Variants in PLA2G4D observed in about 807,000 individuals in gnomAD.
PLA2G4D encodes cytosolic phospholipase A2 delta.
In PLA2G4D, 80 loss-of-function variants were observed where a neutral mutation model predicts 94.4. That is an observed-to-expected ratio of 0.85 (90% confidence interval 0.71 to 1.02). PLA2G4D has a LOEUF of 1.02. PLA2G4D is among the 50% of genes least tolerant of loss of function. PLA2G4D has a pLI of 0.00. For missense variants in PLA2G4D, 1,050 were observed against 1,034.7 expected (o/e 1.01, Z -0.20); for synonymous variants, 438 against 440.9 (o/e 0.99, Z 0.08).
In PLA2G4D at chr15:42,071,881, C is replaced by G; in HGVS notation, c.1466G>C (p.Gly489Ala). 1 of 1,614,164 alleles carries G rather than the reference C, an allele frequency of 6.2e-7. No individual in the cohort carries two copies. The highest frequency in any genetic ancestry group is 8.5e-7 in the Non-Finnish European group (1 of 1,180,008). The change falls in exon 15 of 20, where the codon GGT becomes GCT. Residue 489 changes from glycine (G) to alanine (A), a missense_variant. Physicochemically the swap from Gly to Ala is moderately conservative, Grantham distance 60. Coordinates refer to ENST00000290472, the MANE Select transcript of PLA2G4D (RefSeq NM_178034.4). ...EWVEFSPYEV[G>A]FLKYGAFVPP... ...GACGAAGGCCCCGTACTTCAGGAAACCGACCTCATAGGGGGAGAACTCAAC... is the reference window on the plus strand; with the variant it reads ...GACGAAGGCCCCGTACTTCAGGAAAGCGACCTCATAGGGGGAGAACTCAAC...
rs1049356993 is a variant in PLA2G4D at position 42,069,930 on chromosome 15, A to G, written c.2209T>C (p.Phe737Leu). 7.0e-7 allele frequency: 1 copy of G among 1,438,604 alleles called. No individual in the cohort carries two copies. The allele number at this position is 1,438,604 out of a possible 1,614,324, so 89.1% of individuals were successfully genotyped here. The change falls in exon 19 of 20, where the codon TTC becomes CTC. Residue 737 changes from phenylalanine (F) to leucine (L), a missense_variant. Transcript: ENST00000290472. ...TCACCGGGGGCTGAGTGGTCCTTGAAGGAGGCATTGACCAGCGGGAAGTGC... is the reference window on the plus strand; with the variant it reads ...TCACCGGGGGCTGAGTGGTCCTTGAGGGAGGCATTGACCAGCGGGAAGTGC... ...LLHFPLVNASFKDHSAPGVQR... is the reference protein window; with the variant it reads ...LLHFPLVNASLKDHSAPGVQR...
chr15:42,083,684 A>G, intron 7 of PLA2G4D, 32 bp downstream of exon 7: 1 of 1,610,302 alleles, frequency 6.2e-7, no homozygotes, highest in Non-Finnish European at 8.5e-7. Flanking sequence ...ACATCCAGGC[A>G]GAGTCCAGGC....
In PLA2G4D at chr15:42,083,709, G is replaced by C. The variant is rs116068987; in HGVS notation, c.535+7C>G. The C allele has an allele frequency of 2.2e-4, 348 of 1,613,958 alleles. No homozygotes were observed. The African/African-American group carries it at 4.3e-3, about 20-fold the overall frequency. ...AGAGTCCAGGCCTGGTTCTAAGCTG[G>C]TCTCACCTGCAACCACAGCGGTGCT... On this transcript the variant is annotated splice_region_variant and intron_variant, in intron 7 of 19. Transcript: ENST00000290472.
At chr15:42,092,822 G>T (rs779401068) in intron 1 of PLA2G4D, among the ~76,000 whole-genome samples, 1 of 152,240 alleles carries the variant, frequency 6.6e-6, no homozygotes, top group African/African-American at 2.4e-5. Flanking sequence ...TGGCCCAAGA[G>T]AGCTTAAGGG....
At chr15:42,083,672 C>T in intron 7 of PLA2G4D, 44 bp downstream of exon 7, 1 of 1,609,136 alleles carries the variant, frequency 6.2e-7, no homozygotes, top group South Asian at 1.1e-5. Context: ...CTCCTCACCC[C>T]CACATCCAGG....
intron 17 of PLA2G4D, 62 bp downstream of exon 17, chr15:42,071,061 C>G (rs893916807): frequency 9.5e-6 from 15 of 1,581,956 alleles, no homozygotes; most frequent in South Asian, 1.2e-5. Context: ...CTCAGCCAGT[C>G]CCTGCCACAC....
intron 14 of PLA2G4D, 65 bp from the exon 15 acceptor site, chr15:42,071,976 G>C: frequency 6.4e-7 from 1 of 1,567,396 alleles, no homozygotes; most frequent in South Asian, 1.2e-5. Flanking sequence ...CCCAGCTCTG[G>C]CGAAAGACAC....
rs1287506113 is a variant in PLA2G4D, at chr15:42,068,724, T to C, written c.2448A>G (p.Ala816=). ...HRTLEARPPR[A]QT The stretch of plus-strand genomic sequence containing the variant: ...CAGCCTCTGAGCAACCTCAGGTCTG[T>C]GCCCTTGGAGGCCTCGCCTCTAGAG... The change falls in exon 20 of 20, where the codon GCA becomes GCG. Residue 816 remains alanine (A), a synonymous_variant. Transcript: ENST00000290472. 1 of 1,605,460 alleles carries C rather than the reference T, an allele frequency of 6.2e-7. No individual in the cohort carries two copies. The highest frequency in any genetic ancestry group is 1.3e-5 in the African/African-American group (1 of 74,926).
At position 42,086,226 on chromosome 15, in the gene PLA2G4D, G is replaced by C; in HGVS notation, c.374C>G (p.Ser125Cys). ...CCACCCACCCACCTGGGGACTCTGG[G>C]AGAAGGTTTTCCGGAGCAGCTTGCC... ...LPGKLLRKTF[S>C]QSPQGEEELD... The change falls in exon 4 of 20, where the codon TCC (serine) becomes TGC (cysteine). Residue 125 changes from serine to cysteine, a missense_variant. Coordinates refer to ENST00000290472, the MANE Select transcript of PLA2G4D (RefSeq NM_178034.4). 7.7e-7 allele frequency: 1 copy of C among 1,294,528 alleles called. No homozygotes were observed. The highest frequency in any genetic ancestry group is 3.2e-4 in the Middle Eastern group (1 of 3,150). 80.2% of individuals were successfully genotyped at this position (1,294,528 alleles called of 1,614,324 possible).
chr15:42,069,959 A>G lies in PLA2G4D; in HGVS notation c.2180T>C (p.Leu727Pro), dbSNP rs764001105. ...SDPACPEAPI[L>P]LHFPLVNASF... is the part of the protein sequence containing the mutation. ...GGCATTGACCAGCGGGAAGTGCAGC[A>G]GGATCGGGGCCTCGGGGCAGGCGGG... is the stretch of plus-strand genomic sequence containing the variant. The change falls in exon 19 of 20, where the codon CTG becomes CCG. Residue 727 changes from leucine to proline, a missense_variant. Coordinates refer to ENST00000290472, the MANE Select transcript of PLA2G4D (RefSeq NM_178034.4). The G allele has an allele frequency of 2.1e-6, 3 of 1,461,988 alleles. No homozygotes were observed. Among genetic ancestry groups the G allele is most frequent in the East Asian group, 5.8e-5 (2 of 34,356 alleles). 90.6% of individuals were successfully genotyped at this position (1,461,988 alleles called of 1,614,324 possible). A position where few individuals can be genotyped will look rare whatever the true frequency, so the allele number is the denominator to read the frequency against.
chr15:42,073,039 G>A (rs1240038385), intron 13 of PLA2G4D, among the ~76,000 whole-genome samples: 1 of 152,132 alleles, frequency 6.6e-6, no homozygotes. Context: ...GTCTCACTCT[G>A]TCACCCAGGC....
chr15:42,082,411 T>C (rs1417439682), intron 8 of PLA2G4D, 22 bp from the exon 9 acceptor site: 1 of 1,546,756 alleles, frequency 6.5e-7, no homozygotes, highest in Non-Finnish European at 8.9e-7. Context: ...GCATCATTCA[T>C]TCATTCATTC....
intron 1 of PLA2G4D, among the ~76,000 whole-genome samples, chr15:42,089,378 T>C (rs1486818729): frequency 6.6e-6 from 1 of 152,098 alleles, no homozygotes; most frequent in Non-Finnish European, 1.5e-5. Context: ...AGCAAAGCCA[T>C]ATGCCTGGTG....
rs191623243 is a variant in PLA2G4D, at chr15:42,073,889, C to G, written c.1318-1497G>C. ...TTGCTGGCAGCTCTTCTGTCCCTGA[C>G]GAGAACACTCATGTGTCAACCACAG... On this transcript the variant is annotated intron_variant, in intron 13 of 19. Coordinates refer to ENST00000290472, the MANE Select transcript of PLA2G4D (RefSeq NM_178034.4). 3.9e-5 allele frequency among the ~76,000 whole-genome samples: 6 copies of G among 152,258 alleles called. No individual in the cohort carries two copies. The East Asian group carries it at 1.2e-3, about 29-fold the overall frequency.
intron 1 of PLA2G4D, among the ~76,000 whole-genome samples, chr15:42,093,093 T>C (rs1404462841): frequency 6.6e-6 from 1 of 152,180 alleles, no homozygotes; most frequent in Non-Finnish European, 1.5e-5. Context: ...CAGCCTAGCC[T>C]GCTGGCCCAG....
At chr15:42,069,672 G>A (rs932263211) in intron 19 of PLA2G4D, among the ~76,000 whole-genome samples, 3 of 152,078 alleles carry the variant, frequency 2.0e-5, no homozygotes, top group Admixed American at 1.3e-4. Context: ...GCAGGAGCCC[G>A]GCATCATGAC....
At chr15:42,069,299 G>A (rs1441491801) in intron 19 of PLA2G4D, among the ~76,000 whole-genome samples, 1 of 152,114 alleles carries the variant, frequency 6.6e-6, no homozygotes, top group Non-Finnish European at 1.5e-5. Flanking sequence ...AGGGGGCAGC[G>A]AGAACTTGCT....
intron 11 of PLA2G4D, among the ~76,000 whole-genome samples, 154 bp downstream of exon 11, chr15:42,081,325 G>A (rs113023310): frequency 0.019 from 2,878 of 152,304 alleles, 68 homozygotes; most frequent in African/African-American, 0.054. Context: ...GAGCTCCCAA[G>A]GGAGTTAGAA....
intron 1 of PLA2G4D, among the ~76,000 whole-genome samples, chr15:42,094,101 C>G (rs1008097782): frequency 1.8e-4 from 28 of 152,098 alleles, no homozygotes; most frequent in African/African-American, 6.5e-4. Flanking sequence ...GGCTGTGGGC[C>G]TGGTGGGTCT....
Sources: allele counts gnomAD v4.1 joint callset (sites outside exome capture counted in the v4.1 genomes callset), GRCh38; gene constraint gnomAD v4.1.1; transcripts MANE v1.5; gene names NCBI Gene and HGNC (gene_info 2026-07-23, HGNC 2026-07-21).